The following FRMPD4 variants were observed in gnomAD, a reference collection of about 807,000 sequenced individuals.
FRMPD4 encodes FERM and PDZ domain-containing protein 4.
Under a neutral mutation model 94.1 loss-of-function variants are expected in FRMPD4, and 22 were observed. That is an observed-to-expected ratio of 0.23 (90% CI 0.17 to 0.33). The LOEUF (loss-of-function observed/expected upper bound fraction) is 0.33, where lower values mean the gene tolerates loss of function less well. Ranked by LOEUF, FRMPD4 falls within the 10% of genes least tolerant of loss-of-function variation. FRMPD4 has a pLI of 1.00. For missense variants in FRMPD4, 1,111 were observed against 1,339.9 expected, an observed-to-expected ratio of 0.83 and a Z score of 2.67; for synonymous variants, 631 against 548.6, an observed-to-expected ratio of 1.15 and a Z score of -2.10.
intron 3 of FRMPD4, among the ~76,000 whole-genome samples, chrX:12,040,982 G>T (rs747808959): frequency 9.1e-6 from 1 of 110,172 alleles, no homozygotes; most frequent in African/African-American, 3.3e-5. Flanking sequence ...TTTCTTAGTG[G>T]TTACTCTAGG....
intron 3 of FRMPD4, among the ~76,000 whole-genome samples, chrX:11,942,491 T>C (rs1258005865): frequency 9.0e-6 from 1 of 111,651 alleles, no homozygotes; most frequent in African/African-American, 3.3e-5. Flanking sequence ...CTAGTTGTAG[T>C]AAAATTAAGG....
chrX:12,711,376 G>C (rs1244942990), intron 14 of FRMPD4, among the ~76,000 whole-genome samples: 2 of 111,641 alleles, frequency 1.8e-5, no homozygotes, highest in Admixed American at 9.5e-5. Flanking sequence ...CTTCCACATT[G>C]GCAGCCATCT....
chrX:12,209,364 A>C (rs148281533), intron 1 of FRMPD4, among the ~76,000 whole-genome samples: 1 of 112,304 alleles, frequency 8.9e-6, no homozygotes, highest in Non-Finnish European at 1.9e-5. Context: ...AGAACCAAAA[A>C]CCAGTATATG....
intron 3 of FRMPD4, among the ~76,000 whole-genome samples, chrX:12,112,090 T>A (rs752665369): frequency 1.4e-4 from 16 of 111,931 alleles, no homozygotes; most frequent in African/African-American, 5.2e-4. Context: ...GGACTATAAA[T>A]CATACCGCTA....
At chrX:11,944,250 T>G (rs1202175514) in intron 3 of FRMPD4, among the ~76,000 whole-genome samples, 1 of 112,201 alleles carries the variant, frequency 8.9e-6, no homozygotes, top group Non-Finnish European at 1.9e-5. Flanking sequence ...GGAGTGAAAG[T>G]AAAATATTTT....
At chrX:12,165,934 C>T (rs1346371721) in intron 1 of FRMPD4, among the ~76,000 whole-genome samples, 1 of 111,530 alleles carries the variant, frequency 9.0e-6, no homozygotes, top group Admixed American at 9.5e-5. Flanking sequence ...TGCTTATCAG[C>T]TTAAGGAGAT....
intron 3 of FRMPD4, among the ~76,000 whole-genome samples, chrX:12,105,648 G>C (rs749543802): frequency 3.3e-4 from 37 of 112,373 alleles, no homozygotes; most frequent in Non-Finnish European, 6.6e-4. Context: ...AAATGAAAAA[G>C]AATAGTTTGT....
At chrX:11,967,770 T>TTGTTTTTTGTTTTTTG (rs1555915235) in intron 3 of FRMPD4, among the ~76,000 whole-genome samples, 3 of 103,675 alleles carry the variant, frequency 2.9e-5, no homozygotes, top group African/African-American at 1.0e-4. Flanking sequence ...TTTTTTTTTT[T>TTGTTTTTTGTTTTTTG]TTTTTTTTAA....
At chrX:12,705,846 T>C (rs1706629962) in intron 11 of FRMPD4, among the ~76,000 whole-genome samples, 1 of 112,530 alleles carries the variant, frequency 8.9e-6, no homozygotes, top group South Asian at 3.7e-4. Flanking sequence ...GTGAATAGTT[T>C]GCTTTCAAAA....
At chrX:12,713,798 A>G (rs940483479) in intron 14 of FRMPD4, among the ~76,000 whole-genome samples, 1 of 111,938 alleles carries the variant, frequency 8.9e-6, no homozygotes, top group Admixed American at 9.4e-5. Context: ...CAGGAAGCCA[A>G]ATCAGTAGAC....
At chrX:12,413,585 A>T (rs1399880031) in intron 1 of FRMPD4, among the ~76,000 whole-genome samples, 1 of 112,273 alleles carries the variant, frequency 8.9e-6, no homozygotes, top group Non-Finnish European at 1.9e-5. Context: ...ACACCAAGTA[A>T]ATGCTACAGG....
intron 3 of FRMPD4, among the ~76,000 whole-genome samples, chrX:12,022,526 T>A (rs1242234908): frequency 8.9e-6 from 1 of 112,026 alleles, no homozygotes; most frequent in Non-Finnish European, 1.9e-5. Flanking sequence ...AGCATGAAGC[T>A]GGGCTGGGAC....
At chrX:12,339,735 G>A (rs2055581623) in intron 1 of FRMPD4, among the ~76,000 whole-genome samples, 1 of 110,176 alleles carries the variant, frequency 9.1e-6, no homozygotes, top group African/African-American at 3.3e-5. Context: ...TCCTGCCTCA[G>A]CCTCCCAAGT....
chrX:12,658,999 G>A (rs1177769430), intron 4 of FRMPD4, among the ~76,000 whole-genome samples: 1 of 112,087 alleles, frequency 8.9e-6, no homozygotes, highest in Admixed American at 9.4e-5. Context: ...GGCCCATCAG[G>A]CCCCAAATGA....
chrX:12,523,442 A>G (rs1203397020), intron 2 of FRMPD4, among the ~76,000 whole-genome samples: 1 of 111,745 alleles, frequency 8.9e-6, no homozygotes, highest in Non-Finnish European at 1.9e-5. Flanking sequence ...AGTTGCATTT[A>G]TAGGAAAATG....
At chrX:12,680,106 A>G (rs929295868) in intron 5 of FRMPD4, among the ~76,000 whole-genome samples, 1 of 111,977 alleles carries the variant, frequency 8.9e-6, no homozygotes, top group Non-Finnish European at 1.9e-5. Flanking sequence ...TATTTCTGTA[A>G]TTTTTTCAAG....
At chrX:12,560,682 T>G (rs1210988406) in intron 2 of FRMPD4, among the ~76,000 whole-genome samples, 1 of 107,055 alleles carries the variant, frequency 9.3e-6, no homozygotes, top group Admixed American at 1.0e-4. Flanking sequence ...TGTATATTTT[T>G]TCATCACTTC....
At chrX:12,680,334 A>C (rs2059957012) in intron 5 of FRMPD4, among the ~76,000 whole-genome samples, 1 of 112,559 alleles carries the variant, frequency 8.9e-6, no homozygotes, top group Non-Finnish European at 1.9e-5. Flanking sequence ...ATCAACACCT[A>C]CAGGTTGCTC....
intron 1 of FRMPD4, among the ~76,000 whole-genome samples, chrX:12,339,731 C>T (rs1406932521): frequency 9.0e-6 from 1 of 110,751 alleles, no homozygotes; most frequent in Non-Finnish European, 1.9e-5. Flanking sequence ...ATTCTCCTGC[C>T]TCAGCCTCCC....
Sources: allele counts gnomAD v4.1 joint callset (sites outside exome capture counted in the v4.1 genomes callset), GRCh38; gene constraint gnomAD v4.1.1; transcripts MANE v1.5; gene names NCBI Gene and HGNC (gene_info 2026-07-23, HGNC 2026-07-21).